The following UBE2J2 variants were observed in gnomAD, a reference collection of about 807,000 sequenced individuals.
UBE2J2 encodes the protein ubiquitin-conjugating enzyme E2 J2.
UBE2J2 carries 5 observed loss-of-function variants against 28.6 expected under a neutral mutation model. That is an observed-to-expected ratio of 0.17 (90% CI 0.09 to 0.37). UBE2J2 has a LOEUF of 0.37. Ranked by LOEUF, UBE2J2 falls within the 10% of genes least tolerant of loss-of-function variation. The pLI, the probability that UBE2J2 is intolerant of heterozygous loss-of-function variation, is 1.00. For synonymous variants in UBE2J2, 138 were observed against 139.7 expected, an observed-to-expected ratio of 0.99 and a Z score of 0.09; for missense variants, 226 against 338.9, an observed-to-expected ratio of 0.67 and a Z score of 2.62.
At chr1:1,264,390 C>G (rs971174059) in intron 2 of UBE2J2, among the ~76,000 whole-genome samples, 1 of 152,224 alleles carries the variant, frequency 6.6e-6, no homozygotes, top group Non-Finnish European at 1.5e-5. Context: ...ATGCCAGAAA[C>G]CAGACATGGC....
At chr1:1,265,500 T>C (rs1239323549) in intron 2 of UBE2J2, among the ~76,000 whole-genome samples, 2 of 152,012 alleles carry the variant, frequency 1.3e-5, no homozygotes, top group African/African-American at 4.8e-5. Flanking sequence ...AGCCTGCTGC[T>C]GGGAATGGAG....
chr1:1,257,337 C>G, intron 3 of UBE2J2, 27 bp from the exon 4 acceptor site: 2 of 1,505,880 alleles, frequency 1.3e-6, no homozygotes, highest in Admixed American at 1.7e-5. Context: ...CAGAAAGGGC[C>G]TTGTCGTCCG....
intron 3 of UBE2J2, among the ~76,000 whole-genome samples, chr1:1,259,236 G>A (rs147499420): frequency 1.4e-4 from 21 of 152,016 alleles, no homozygotes; most frequent in South Asian, 8.3e-4. Flanking sequence ...ATGTATGTGC[G>A]TGTCTGCATG....
rs1639809833 is a variant in UBE2J2, at chr1:1,265,603, T to TG, written c.132-2218_132-2217insC. Among the ~76,000 whole-genome samples, 44 of 121,024 alleles carry TG rather than the reference T, an allele frequency of 3.6e-4. 2 individuals are homozygous for TG. Among genetic ancestry groups the TG allele is most frequent in the East Asian group, 2.3e-3 (9 of 3,908 alleles). 79.4% of individuals were successfully genotyped at this position (121,024 alleles called of 152,430 possible). On this transcript the variant is annotated intron_variant, in intron 2 of 6. Transcript: ENST00000349431. The stretch of plus-strand genomic sequence containing the variant: ...TGTGTGTGTGTGTGTTTTCTCTCCA[T>TG]TGTGTGTGTGTGTGTGTGTGTGTGT...
intron 3 of UBE2J2, among the ~76,000 whole-genome samples, chr1:1,259,134 C>CCATCAGGACGCGTGTGT (rs1639397051): frequency 2.2e-5 from 3 of 138,146 alleles, no homozygotes; most frequent in Non-Finnish European, 4.6e-5. Flanking sequence ...CACGTGTGTG[C>CCATCAGGACGCGTGTGT]ATGCCATCAG....
At chr1:1,258,527 C>T (rs1043025066) in intron 3 of UBE2J2, among the ~76,000 whole-genome samples, 1 of 152,048 alleles carries the variant, frequency 6.6e-6, no homozygotes, top group African/African-American at 2.4e-5. Flanking sequence ...CTCCTGGGGT[C>T]GCCCTAGTTT....
At chr1:1,270,927 C>T (rs1037397276) in intron 1 of UBE2J2, among the ~76,000 whole-genome samples, 3 of 152,182 alleles carry the variant, frequency 2.0e-5, no homozygotes, top group Non-Finnish European at 4.4e-5. Context: ...AAGTCCTGAC[C>T]GACACACTCC....
At chr1:1,265,603 TTGTGTGTGTGTGTGTGTGTGTGTG>T (rs57125925) in intron 2 of UBE2J2, among the ~76,000 whole-genome samples, 13 of 120,948 alleles carry the variant, frequency 1.1e-4, no homozygotes, top group African/African-American at 3.2e-4. Flanking sequence ...TTTCTCTCCA[TTGTGTGTGTGTGTGTGTGTGTGTG>T]TGTGTGTGTG....
At chr1:1,263,652 A>G (rs1570562386) in intron 2 of UBE2J2, 1 of 358,900 alleles carries the variant, frequency 2.8e-6, no homozygotes, top group East Asian at 4.7e-5. Flanking sequence ...ACAATATAAC[A>G]TGCACGAAGC....
rs143233587 is a variant in UBE2J2, at chr1:1,259,149, CGT to C, written c.173-1841_173-1840del. Among the ~76,000 whole-genome samples, 32 of 139,438 alleles carry C rather than the reference CGT, an allele frequency of 2.3e-4. No individual in the cohort carries two copies. The East Asian group carries it at 6.3e-3, about 28-fold the overall frequency. 91.5% of individuals were successfully genotyped at this position (139,438 alleles called of 152,430 possible). ...CACGTGTGTGCATGCCATCAGGACG[CGT>C]GTGTGCGTGTCTGAGTGTGTGCATG... On this transcript the variant is annotated intron_variant, in intron 3 of 6. Transcript: ENST00000349431.
intron 5 of UBE2J2, among the ~76,000 whole-genome samples, chr1:1,256,604 C>T (rs186632007): frequency 9.9e-4 from 150 of 152,274 alleles, no homozygotes; most frequent in African/African-American, 3.2e-3. Flanking sequence ...CAGCTGCGGC[C>T]GGGCGCGGTG....
In UBE2J2 at chr1:1,268,429, C is replaced by T. The variant is rs182672472; in HGVS notation, c.1-437G>A. Among the ~76,000 whole-genome samples the T allele has an allele frequency of 7.2e-5, 11 of 152,286 alleles. No homozygotes were observed. The highest frequency in any genetic ancestry group is 2.6e-4 in the African/African-American group (11 of 41,572). Reference sequence around the variant, plus strand: ...CATAGAAGTGGGCAGGCACCACCGCCGGCCCCTTCACCGCACCCGGAAGCC... The same window carrying T: ...CATAGAAGTGGGCAGGCACCACCGCTGGCCCCTTCACCGCACCCGGAAGCC... On this transcript the variant is annotated intron_variant, in intron 1 of 6. Coordinates refer to ENST00000349431, the MANE Select transcript of UBE2J2 (RefSeq NM_058167.3). This position sits in a 1 kb window ranked among gnomAD's most constrained non-coding sequence, Gnocchi z 4.7.
chr1:1,267,744 G>C, intron 2 of UBE2J2, 118 bp downstream of exon 2: 1 of 1,549,576 alleles, frequency 6.5e-7, no homozygotes, highest in Non-Finnish European at 8.7e-7. Flanking sequence ...CCGGGGGAGG[G>C]TGCAGGAGCA....
chr1:1,269,648 G>A (rs575218442), intron 1 of UBE2J2, among the ~76,000 whole-genome samples: 2 of 152,118 alleles, frequency 1.3e-5, no homozygotes, highest in African/African-American at 4.8e-5. Context: ...ATTTTTAGTA[G>A]AGACGGGGTT....
chr1:1,259,262 T>C (rs1639409625), intron 3 of UBE2J2, among the ~76,000 whole-genome samples: 1 of 151,844 alleles, frequency 6.6e-6, no homozygotes, highest in Non-Finnish European at 1.5e-5. Flanking sequence ...AGGACACGTG[T>C]GTGTGCATGT....
At position 1,268,338 on chromosome 1, in the gene UBE2J2, CCT is replaced by C. The variant is rs1224929755; in HGVS notation, c.1-348_1-347del. Among the ~76,000 whole-genome samples the C allele has an allele frequency of 1.1e-4, 16 of 152,106 alleles. 1 individual carries two copies. Among genetic ancestry groups the C allele is most frequent in the Admixed American group, 1.0e-3 (16 of 15,260 alleles). ...TTCGGGCCACAGCCTCAGACCAGCT[CCT>C]GAGGGCAGCTACTCGCACCTTCCAA... is the stretch of plus-strand genomic sequence containing the variant. On this transcript the variant is annotated intron_variant, in intron 1 of 6. Coordinates refer to ENST00000349431, the MANE Select transcript of UBE2J2 (RefSeq NM_058167.3). The surrounding 1 kb of genome is among the most constrained non-coding windows in gnomAD (Gnocchi z 4.7).
intron 3 of UBE2J2, among the ~76,000 whole-genome samples, chr1:1,261,242 G>GAGC (rs1639542597): frequency 6.6e-6 from 1 of 152,234 alleles, no homozygotes; most frequent in African/African-American, 2.4e-5. Flanking sequence ...GCGGGGACGG[G>GAGC]AGCAGCAGTG....
intron 2 of UBE2J2, among the ~76,000 whole-genome samples, chr1:1,265,750 C>T (rs1487394543): frequency 6.6e-6 from 1 of 151,956 alleles, no homozygotes; most frequent in Non-Finnish European, 1.5e-5. Flanking sequence ...GCCTCACCCT[C>T]CCAAGTAGCA....
rs187494900 is a variant in UBE2J2, at chr1:1,268,875, C to T, written c.1-883G>A. On this transcript the variant is annotated intron_variant, in intron 1 of 6. Coordinates refer to ENST00000349431, the MANE Select transcript of UBE2J2 (RefSeq NM_058167.3). The surrounding 1 kb of genome is among the most constrained non-coding windows in gnomAD (Gnocchi z 4.7). The stretch of plus-strand genomic sequence containing the variant: ...TTTTTTTTGTAGAGCTGGGATCTCA[C>T]TATGTTGCCCAAGGTGGTCTCAAAC... Among the ~76,000 whole-genome samples the T allele has an allele frequency of 4.1e-3, 622 of 151,896 alleles. 6 individuals are homozygous for T. The highest frequency in any genetic ancestry group is 7.4e-3 in the Non-Finnish European group (504 of 67,956).
Sources: allele counts gnomAD v4.1 joint callset (sites outside exome capture counted in the v4.1 genomes callset), GRCh38; gene constraint gnomAD v4.1.1; non-coding constraint Gnocchi (gnomAD v3.1); transcripts MANE v1.5; gene names NCBI Gene and HGNC (gene_info 2026-07-23, HGNC 2026-07-21).